The following CARD9 variants were observed in gnomAD, a reference collection of about 807,000 sequenced individuals.
CARD9 encodes the protein caspase recruitment domain-containing protein 9.
In CARD9, 53 loss-of-function variants were observed where a neutral mutation model predicts 66.0. That is an observed-to-expected ratio of 0.80 (90% CI 0.64 to 1.01). The LOEUF is 1.01. Among genes scored for constraint, CARD9 ranks in the 50% least tolerant of loss-of-function variants. CARD9 has a pLI of 0.00. For missense variants in CARD9, 769 were observed against 743.2 expected, an observed-to-expected ratio of 1.03 and a Z score of -0.40; for synonymous variants, 387 against 313.8, an observed-to-expected ratio of 1.23 and a Z score of -2.47.
intron 10 of CARD9, 98 bp downstream of exon 10, chr9:136,366,702 G>T: frequency 7.6e-7 from 1 of 1,308,716 alleles, no homozygotes; most frequent in African/African-American, 1.5e-5. Flanking sequence ...GGTTGTGGGG[G>T]TTGACACAGG....
rs372539632 is a variant in CARD9 at position 136,367,766 on chromosome 9, C to T, written c.1140G>A (p.Ala380=). ...QHARGLQEKD[A]LRKQVRELGE... ...CCAGCTCCCGCACCTGCTTGCGCAG[C>T]GCGTCCTTCTCCTGCAGGCCCCGGG... Residue 380 remains alanine, a synonymous_variant, in exon 8 of 13, where the codon GCG becomes GCA. Coordinates refer to ENST00000371732, the MANE Select transcript of CARD9 (RefSeq NM_052813.5). 81 of 1,604,932 alleles carry T rather than the reference C, an allele frequency of 5.0e-5. No homozygotes were observed. The highest frequency in any genetic ancestry group is 3.4e-4 in the South Asian group (31 of 90,954).
chr9:136,364,201 G>C lies in CARD9; in HGVS notation c.*101C>G. The C allele has an allele frequency of 6.4e-7, 1 of 1,550,564 alleles. No individual in the cohort carries two copies. The highest frequency in any genetic ancestry group is 8.7e-7 in the Non-Finnish European group (1 of 1,146,790). On this transcript the variant is annotated 3_prime_UTR_variant, in exon 13 of 13. Coordinates refer to ENST00000371732, the MANE Select transcript of CARD9 (RefSeq NM_052813.5). Reference sequence around the variant, plus strand: ...AGATTCCTCGTTCCAGGCCAAGTCAGCGACGGCTCGGGGAAGTCTGCGCCC... The same window carrying C: ...AGATTCCTCGTTCCAGGCCAAGTCACCGACGGCTCGGGGAAGTCTGCGCCC...
chr9:136,370,011 G>T (rs1490845937), intron 6 of CARD9, 136 bp from the exon 7 acceptor site: 7 of 1,491,684 alleles, frequency 4.7e-6, no homozygotes, highest in Non-Finnish European at 6.3e-6. Flanking sequence ...GAGTCCCCAG[G>T]CCCCTACCAG....
At chr9:136,364,990 AC>A in intron 11 of CARD9, 150 bp downstream of exon 11, 1 of 702,312 alleles carries the variant, frequency 1.4e-6, no homozygotes, top group Admixed American at 2.7e-5. Context: ...CAGACACCGC[AC>A]CCCGAGCACT....
At chr9:136,367,317 G>C in intron 8 of CARD9, 60 bp from the exon 9 acceptor site, 1 of 1,572,406 alleles carries the variant, frequency 6.4e-7, no homozygotes, top group Non-Finnish European at 8.7e-7. Context: ...CCAGGCACAG[G>C]GTGGGCAGGG....
Position 136,367,722 on chromosome 9 carries a change from A to G in CARD9, c.1184T>C (p.Leu395Pro). 6.2e-7 allele frequency: 1 copy of G among 1,605,086 alleles called. No homozygotes were observed. ...CTCACACTGGAACACCTGCAGCTGC[A>G]GCTCATCCGCCTTCTCGCCCAGCTC... ...VRELGEKADELQLQVFQCEAQ... is the reference protein window; with the variant it reads ...VRELGEKADEPQLQVFQCEAQ... The change falls in exon 8 of 13, where the codon CTG (leucine) becomes CCG (proline). Residue 395 changes from leucine (L) to proline (P), a missense_variant. Leu to Pro is a moderately conservative substitution (Grantham distance 98, BLOSUM62 -3). Coordinates refer to ENST00000371732, the MANE Select transcript of CARD9 (RefSeq NM_052813.5).
chr9:136,371,660 A>G lies in CARD9; in HGVS notation c.185-199T>C, dbSNP rs980216914. 2.6e-5 allele frequency among the ~76,000 whole-genome samples: 4 copies of G among 152,236 alleles called. No homozygotes were observed. The South Asian group carries it at 6.2e-4, about 24-fold the overall frequency. On this transcript the variant is annotated intron_variant, in intron 2 of 12. Transcript: ENST00000371732. ...TGCCCACCCGCCCCTTGGCTGTCTC[A>G]GGAGCCCCCGCTGCGGTGGGAGCCC... is the stretch of plus-strand genomic sequence containing the variant.
chr9:136,364,898 A>G, intron 11 of CARD9: 1 of 594,318 alleles, frequency 1.7e-6, no homozygotes, highest in Non-Finnish European at 3.0e-6. Context: ...GGCCCTCGGA[A>G]AACCAGGACC....
At chr9:136,365,071 A>G in intron 11 of CARD9, 70 bp downstream of exon 11, 1 of 1,486,324 alleles carries the variant, frequency 6.7e-7, no homozygotes, top group Non-Finnish European at 9.3e-7. Flanking sequence ...CAGGGCAGGG[A>G]GCCACTCTCC....
rs374880658 is a variant in CARD9, at chr9:136,368,681, G to A, written c.1078-853C>T. The stretch of plus-strand genomic sequence containing the variant: ...AGCCCTGCCCCGCGACGCTCCATCC[G>A]GCTCACAGCACGTAGCACTGGAGGC... On this transcript the variant is annotated intron_variant, in intron 7 of 12. Transcript: ENST00000371732. Among the ~76,000 whole-genome samples, 48 of 152,342 alleles carry A rather than the reference G, an allele frequency of 3.2e-4. No homozygotes were observed. The East Asian group carries it at 5.0e-3, about 16-fold the overall frequency.
intron 3 of CARD9, 63 bp downstream of exon 3, chr9:136,371,261 C>T (rs1833262518): frequency 1.3e-6 from 2 of 1,575,566 alleles, no homozygotes; most frequent in Non-Finnish European, 1.7e-6. Context: ...GCAGAGGACC[C>T]AACACCACTG....
chr9:136,367,867 C>T, intron 7 of CARD9, 39 bp from the exon 8 acceptor site: 2 of 1,570,388 alleles, frequency 1.3e-6, no homozygotes, highest in Non-Finnish European at 1.7e-6. Flanking sequence ...AGTGAGGGCC[C>T]CAAGCTTGCC....
At position 136,371,472 on chromosome 9, in the gene CARD9, G is replaced by C. The variant is rs1833271868; in HGVS notation, c.185-11C>G. ...TGTCCAGGAGCACACCTGCGGGCCA[G>C]AGAGGCCTAACTGGGGGCGGGGCAC... is the stretch of plus-strand genomic sequence containing the variant. On this transcript the variant is annotated splice_polypyrimidine_tract_variant and intron_variant, in intron 2 of 12. Transcript: ENST00000371732. 4.5e-6 allele frequency: 7 copies of C among 1,568,826 alleles called. No individual in the cohort carries two copies. Among genetic ancestry groups the C allele is most frequent in the African/African-American group, 1.3e-5 (1 of 74,298 alleles).
chr9:136,364,186 T>C lies in CARD9; in HGVS notation c.*116A>G, dbSNP rs1204453201. 1.3e-6 allele frequency: 2 copies of C among 1,550,492 alleles called. No individual in the cohort carries two copies. Among genetic ancestry groups the C allele is most frequent in the Admixed American group, 2.0e-5 (1 of 51,006 alleles). ...GCCTTTCAGGGCACCAGATTCCTCGTTCCAGGCCAAGTCAGCGACGGCTCG... is the reference window on the plus strand; with the variant it reads ...GCCTTTCAGGGCACCAGATTCCTCGCTCCAGGCCAAGTCAGCGACGGCTCG... On this transcript the variant is annotated 3_prime_UTR_variant, in exon 13 of 13. Coordinates refer to ENST00000371732, the MANE Select transcript of CARD9 (RefSeq NM_052813.5).
chr9:136,367,960 C>T lies in CARD9; in HGVS notation c.1078-132G>A, dbSNP rs1420963664. On this transcript the variant is annotated intron_variant, in intron 7 of 12. Transcript: ENST00000371732. The stretch of plus-strand genomic sequence containing the variant: ...GCTGGGCGCGGAGGCTGGTCACAGC[C>T]CCTCCATTTGTGTGCTCTGCGGACA... 15 of 1,441,454 alleles carry T rather than the reference C, an allele frequency of 1.0e-5. No individual in the cohort carries two copies. In the East Asian group the frequency reaches 1.8e-4, roughly 17 times the overall value. 89.3% of individuals were successfully genotyped at this position (1,441,454 alleles called of 1,614,324 possible).
At chr9:136,371,529 T>TGGGGGGGGGGGGGGGGGCCGG in intron 2 of CARD9, 68 bp from the exon 3 acceptor site, 1 of 490,338 alleles carries the variant, frequency 2.0e-6, no homozygotes, top group East Asian at 4.9e-5. Flanking sequence ...TGGGTGGGCC[T>TGGGGGGGGGGGGGGGGGCCGG]GGGGGCAGGG....
At chr9:136,364,845 T>A (rs145463988) in intron 11 of CARD9, 50 of 595,874 alleles carry the variant, frequency 8.4e-5, no homozygotes, top group Admixed American at 2.7e-4. Context: ...GAGGTGGTGC[T>A]TGCTCTCAGG....
At chr9:136,366,536 A>G (rs1388356658) in intron 10 of CARD9, 2 of 552,744 alleles carry the variant, frequency 3.6e-6, no homozygotes, top group Non-Finnish European at 6.5e-6. Flanking sequence ...TCTGCAGCCC[A>G]TGGGGGCTGC....
Position 136,367,262 on chromosome 9 carries a change from G to A in CARD9, c.1270-5C>T, listed in dbSNP as rs764782476. 2 of 1,612,748 alleles carry A rather than the reference G, an allele frequency of 1.2e-6. No individual in the cohort carries two copies. Among genetic ancestry groups the A allele is most frequent in the South Asian group, 2.2e-5 (2 of 90,956 alleles). On this transcript the variant is annotated splice_polypyrimidine_tract_variant and splice_region_variant and intron_variant, in intron 8 of 12. Transcript: ENST00000371732. ...GCCATCTTCCAGGTCGGAGCTCTGTGGTCATAGAAAATGGGGTGGGTGGGC... is the reference window on the plus strand; with the variant it reads ...GCCATCTTCCAGGTCGGAGCTCTGTAGTCATAGAAAATGGGGTGGGTGGGC...
Sources: allele counts gnomAD v4.1 joint callset (sites outside exome capture counted in the v4.1 genomes callset), GRCh38; gene constraint gnomAD v4.1.1; transcripts MANE v1.5; gene names NCBI Gene and HGNC (gene_info 2026-07-23, HGNC 2026-07-21).